The following LPGAT1 variants were observed in gnomAD, a reference collection of about 807,000 sequenced individuals.
LPGAT1 encodes the protein lysophosphatidylglycerol acyltransferase 1, also known as acyl-CoA:lysophosphatidylglycerol acyltransferase 1.
In LPGAT1, 11 loss-of-function variants were observed where a neutral mutation model predicts 47.5. The ratio of observed to expected loss-of-function variants is 0.23; its 90% CI spans 0.15 to 0.38. The LOEUF is 0.38. LPGAT1 is among the 10% of genes least tolerant of loss of function. The probability of loss-of-function intolerance (pLI) is 1.00; values close to 1 mark genes in which losing one functional copy is unlikely to be tolerated. For synonymous variants in LPGAT1, 138 were observed against 144.2 expected (o/e 0.96, Z 0.31); for missense variants, 293 against 439.0 (o/e 0.67, Z 2.97).
At chr1:211,827,885 G>T (rs961168480) in intron 2 of LPGAT1, among the ~76,000 whole-genome samples, 1 of 152,134 alleles carries the variant, frequency 6.6e-6, no homozygotes, top group Non-Finnish European at 1.5e-5. Flanking sequence ...GCCTGAAGGA[G>T]AAATAAATAA....
chr1:211,798,449 C>T (rs1659436546), intron 2 of LPGAT1, among the ~76,000 whole-genome samples: 1 of 152,096 alleles, frequency 6.6e-6, no homozygotes, highest in South Asian at 2.1e-4. Context: ...CTCTGGGAGG[C>T]CGAGGCAGGA....
chr1:211,762,900 C>G (rs1018568433), intron 6 of LPGAT1, among the ~76,000 whole-genome samples: 1 of 152,172 alleles, frequency 6.6e-6, no homozygotes, highest in African/African-American at 2.4e-5. Flanking sequence ...CATGGCTAAA[C>G]CCTCAATTCA....
In LPGAT1 at chr1:211,779,085, T is replaced by C. The variant is rs760680392; in HGVS notation, c.728-41A>G. ...AAAAGACTTAAAATTAAATCAACTT[T>C]TATATTATCTGCAGCAAATAACATA... is the stretch of plus-strand genomic sequence containing the variant. On this transcript the variant is annotated intron_variant, in intron 5 of 7. Transcript: ENST00000366997. 6.7e-6 allele frequency: 10 copies of C among 1,490,934 alleles called. No homozygotes were observed. The South Asian group carries it at 1.2e-4, about 18-fold the overall frequency. 92.4% of individuals were successfully genotyped at this position (1,490,934 alleles called of 1,614,324 possible).
intron 2 of LPGAT1, among the ~76,000 whole-genome samples, chr1:211,812,485 T>C (rs1036467947): frequency 6.6e-6 from 1 of 152,184 alleles, no homozygotes; most frequent in Non-Finnish European, 1.5e-5. Context: ...GATCCATTAA[T>C]GGACTTCAGA....
chr1:211,756,611 T>C lies in LPGAT1; in HGVS notation c.855-5544A>G, dbSNP rs1032605954. 1.3e-5 allele frequency among the ~76,000 whole-genome samples: 2 copies of C among 152,156 alleles called. 1 individual carries two copies. The highest frequency in any genetic ancestry group is 1.3e-4 in the Admixed American group (2 of 15,278). On this transcript the variant is annotated intron_variant, in intron 6 of 7. Transcript: ENST00000366997. ...GGTCTCCCAAAGTGGTGGAATTGAG[T>C]GAGCCACTGTGCTCAGTCAACTTTT...
intron 2 of LPGAT1, among the ~76,000 whole-genome samples, chr1:211,825,122 T>C (rs1660503018): frequency 6.7e-6 from 1 of 148,860 alleles, no homozygotes; most frequent in Non-Finnish European, 1.5e-5. Flanking sequence ...TCACCCTATA[T>C]AAAAATAAAA....
intron 2 of LPGAT1, among the ~76,000 whole-genome samples, chr1:211,799,820 T>A (rs1481232013): frequency 2.0e-5 from 3 of 152,172 alleles, no homozygotes; most frequent in African/African-American, 7.2e-5. Flanking sequence ...TTAAATATAA[T>A]ATGCTCAATA....
intron 2 of LPGAT1, among the ~76,000 whole-genome samples, chr1:211,802,799 C>T (rs1164215741): frequency 6.6e-6 from 1 of 152,074 alleles, no homozygotes; most frequent in African/African-American, 2.4e-5. Context: ...ATGGCTAGCA[C>T]AGTGGATAAA....
At chr1:211,782,692 A>G (rs1421603226) in intron 5 of LPGAT1, among the ~76,000 whole-genome samples, 1 of 152,106 alleles carries the variant, frequency 6.6e-6, no homozygotes, top group African/African-American at 2.4e-5. Context: ...CTATGATCAT[A>G]CCACTGCACT....
intron 6 of LPGAT1, among the ~76,000 whole-genome samples, chr1:211,764,985 G>A (rs2102508088): frequency 6.6e-6 from 1 of 152,026 alleles, no homozygotes; most frequent in East Asian, 1.9e-4. Flanking sequence ...ACAATGAGAT[G>A]GCATTTTTAG....
chr1:211,820,507 G>A (rs1660331377), intron 2 of LPGAT1, among the ~76,000 whole-genome samples: 1 of 149,890 alleles, frequency 6.7e-6, no homozygotes, highest in South Asian at 2.1e-4. Context: ...CTAGATAACA[G>A]GAATAGGGAA....
In LPGAT1 at chr1:211,747,452, ATAGTT is replaced by A. The variant is rs1417204018; in HGVS notation, c.*2442_*2446del. 6.6e-6 allele frequency: 1 copy of A among 152,204 alleles called. No homozygotes were observed. Among genetic ancestry groups the A allele is most frequent in the Non-Finnish European group, 1.5e-5 (1 of 68,034 alleles). The allele number at this position is 152,204 out of a possible 1,614,324, so 9.4% of individuals were successfully genotyped here. A position where few individuals can be genotyped will look rare whatever the true frequency, so the allele number is the denominator to read the frequency against. ...CTTGAAAAGTAAAGCATCTTATAGA[ATAGTT>A]TAATGTGTACAGTATATTTAACAAT... is the stretch of plus-strand genomic sequence containing the variant. On this transcript the variant is annotated 3_prime_UTR_variant, in exon 8 of 8. Transcript: ENST00000366997.
chr1:211,809,636 A>G (rs1213350228), intron 2 of LPGAT1, among the ~76,000 whole-genome samples: 1 of 152,076 alleles, frequency 6.6e-6, no homozygotes, highest in South Asian at 2.1e-4. Flanking sequence ...ATGATAGTGA[A>G]TAAGTCTCAC....
In LPGAT1 at chr1:211,745,963, A is replaced by T. The variant is rs1438312199; in HGVS notation, c.*3936T>A. ...AGAGCTGAACACACTCATAATGGTAACTCTGGAGTGAAGTCCTGTGTAATG... is the reference window on the plus strand; with the variant it reads ...AGAGCTGAACACACTCATAATGGTATCTCTGGAGTGAAGTCCTGTGTAATG... On this transcript the variant is annotated 3_prime_UTR_variant, in exon 8 of 8. Transcript: ENST00000366997. 6.6e-6 allele frequency: 1 copy of T among 152,642 alleles called. No individual in the cohort carries two copies. The highest frequency in any genetic ancestry group is 1.5e-5 in the Non-Finnish European group (1 of 68,030). 9.5% of individuals were successfully genotyped at this position (152,642 alleles called of 1,614,324 possible).
At chr1:211,774,125 TAA>T (rs2102522938) in intron 6 of LPGAT1, among the ~76,000 whole-genome samples, 1 of 132,864 alleles carries the variant, frequency 7.5e-6, no homozygotes, top group African/African-American at 2.8e-5. Context: ...TTGTGTTTTT[TAA>T]AAGTCTTTTT....
At chr1:211,755,540 C>T (rs1472974541) in intron 6 of LPGAT1, among the ~76,000 whole-genome samples, 5 of 148,928 alleles carry the variant, frequency 3.4e-5, no homozygotes, top group African/African-American at 9.8e-5. Context: ...AATTTAAGTG[C>T]GAGTAGACAG....
chr1:211,815,709 C>T (rs983027171), intron 2 of LPGAT1, among the ~76,000 whole-genome samples: 1 of 151,866 alleles, frequency 6.6e-6, no homozygotes, highest in Non-Finnish European at 1.5e-5. Flanking sequence ...TCCTCTCCCC[C>T]TCACTCCCTC....
intron 2 of LPGAT1, among the ~76,000 whole-genome samples, chr1:211,819,700 A>G (rs1467291354): frequency 6.6e-6 from 1 of 152,062 alleles, no homozygotes; most frequent in African/African-American, 2.4e-5. Flanking sequence ...TTAAGAAAAG[A>G]GTTGCCGCGC....
chr1:211,820,960 G>C (rs960349928), intron 2 of LPGAT1, among the ~76,000 whole-genome samples: 2 of 151,888 alleles, frequency 1.3e-5, no homozygotes, highest in African/African-American at 4.8e-5. Context: ...CAGGCAAAAA[G>C]ACCAAGTCAA....
Sources: gnomAD v4.1 joint callset for allele counts (sites outside exome capture counted in the v4.1 genomes callset) on GRCh38, gnomAD v4.1.1 for gene constraint, MANE v1.5 for transcripts, NCBI Gene and HGNC (gene_info 2026-07-23, HGNC 2026-07-21) for gene names.